DDC: variants seen among roughly 807,000 people sequenced by gnomAD.
The protein encoded by DDC is dopa decarboxylase.
DDC carries 43 observed loss-of-function variants against 60.0 expected under a neutral mutation model. The ratio of observed to expected loss-of-function variants is 0.72; its 90% CI spans 0.56 to 0.92. The LOEUF (loss-of-function observed/expected upper bound fraction) is 0.92. DDC is among the 40% of genes least tolerant of loss of function. DDC has a pLI of 0.00. For missense variants in DDC, 573 were observed against 620.2 expected (o/e 0.92, Z 0.81); for synonymous variants, 232 against 234.6 (o/e 0.99, Z 0.10).
intron 1 of DDC, among the ~76,000 whole-genome samples, chr7:50,555,406 C>T (rs1303368257): frequency 3.3e-5 from 5 of 152,116 alleles, no homozygotes; most frequent in Non-Finnish European, 7.4e-5. Flanking sequence ...GGACCTGGGA[C>T]CCAGAGAAGG....
At chr7:50,487,225 G>T (rs1426877879) in intron 9 of DDC, among the ~76,000 whole-genome samples, 2 of 152,046 alleles carry the variant, frequency 1.3e-5, no homozygotes, top group Non-Finnish European at 2.9e-5. Context: ...CTAGCTCAGA[G>T]GCTTTTCAGT....
At chr7:50,550,065 A>G (rs2044937302) in intron 1 of DDC, among the ~76,000 whole-genome samples, 1 of 152,252 alleles carries the variant, frequency 6.6e-6, no homozygotes, top group Admixed American at 6.5e-5. Flanking sequence ...TGGGGGTAAA[A>G]TGCTATCAAA....
At chr7:50,547,957 A>G (rs902314875) in intron 1 of DDC, among the ~76,000 whole-genome samples, 2 of 152,210 alleles carry the variant, frequency 1.3e-5, no homozygotes, top group African/African-American at 4.8e-5. Context: ...TGCTCACTCA[A>G]TGACTCTGTG....
chr7:50,545,587 C>T (rs1047433374), intron 1 of DDC, among the ~76,000 whole-genome samples: 5 of 152,226 alleles, frequency 3.3e-5, no homozygotes, highest in South Asian at 4.1e-4. Flanking sequence ...ATTCTCCTGC[C>T]TCAGTCTCCT....
intron 4 of DDC, among the ~76,000 whole-genome samples, chr7:50,532,122 A>T (rs1352504045): frequency 1.3e-5 from 2 of 152,206 alleles, no homozygotes; most frequent in South Asian, 2.1e-4. Context: ...TACAGCTCTG[A>T]GGGGATCAAT....
At chr7:50,505,018 GA>G (rs960104157) in intron 6 of DDC, among the ~76,000 whole-genome samples, 1 of 152,232 alleles carries the variant, frequency 6.6e-6, no homozygotes, top group African/African-American at 2.4e-5. Context: ...GGGATGTTCT[GA>G]GAAAGCATTG....
At chr7:50,557,591 C>T (rs187542014) in intron 1 of DDC, among the ~76,000 whole-genome samples, 3 of 152,260 alleles carry the variant, frequency 2.0e-5, no homozygotes, top group East Asian at 1.9e-4. Flanking sequence ...ACATAACGCT[C>T]CTATTTGCAC....
intron 9 of DDC, among the ~76,000 whole-genome samples, chr7:50,483,554 C>T (rs1358999463): frequency 6.6e-6 from 1 of 152,154 alleles, no homozygotes; most frequent in South Asian, 2.1e-4. Context: ...GTGAATTATA[C>T]TTAGGATTGG....
In DDC at chr7:50,463,309, C is replaced by T. The variant is rs747784661; in HGVS notation, c.1365G>A (p.Val455=). 5 of 1,614,238 alleles carry T rather than the reference C, an allele frequency of 3.1e-6. No homozygotes were observed. The Admixed American group carries it at 5.0e-5, about 16-fold the overall frequency. Residue 455 remains valine (V), a synonymous_variant, in exon 14 of 15, where the codon GTG becomes GTA. Coordinates refer to ENST00000444124, the MANE Select transcript of DDC (RefSeq NM_001082971.2). ...AGGCCCGCTGCACATGGGCAGATTC[C>T]ACCGTGCGAGAACAGATGGCAAAGC... is the stretch of plus-strand genomic sequence containing the variant. ...VLRFAICSRT[V]ESAHVQRAWE...
chr7:50,521,067 T>G (rs2043876980), intron 6 of DDC, among the ~76,000 whole-genome samples: 1 of 151,944 alleles, frequency 6.6e-6, no homozygotes, highest in South Asian at 2.1e-4. Context: ...TTCAAACATT[T>G]ATACAGGTTA....
At chr7:50,472,260 C>T (rs546788929) in intron 11 of DDC, among the ~76,000 whole-genome samples, 10 of 152,256 alleles carry the variant, frequency 6.6e-5, no homozygotes, top group Non-Finnish European at 8.8e-5. Context: ...TGGCATGGCG[C>T]GGCCAGCCCA....
At chr7:50,483,264 T>G (rs868801974) in intron 9 of DDC, among the ~76,000 whole-genome samples, 1 of 152,208 alleles carries the variant, frequency 6.6e-6, no homozygotes, top group African/African-American at 2.4e-5. Flanking sequence ...TATGATAACT[T>G]TTTTTCTCCT....
Position 50,487,410 on chromosome 7 carries a change from A to G in DDC, c.945-7547T>C, listed in dbSNP as rs1017986524. On this transcript the variant is annotated intron_variant, in intron 9 of 14. Coordinates refer to ENST00000444124, the MANE Select transcript of DDC (RefSeq NM_001082971.2). ...GGATGTGTTTTTGGTAAAGTTTATA[A>G]AACACGCGAGGATGTGTTTTTTGCT... Among the ~76,000 whole-genome samples the G allele has an allele frequency of 3.3e-5, 5 of 152,246 alleles. No individual in the cohort carries two copies. In the East Asian group the frequency reaches 7.7e-4, roughly 23 times the overall value.
chr7:50,496,070 C>T (rs1196608555), intron 8 of DDC, among the ~76,000 whole-genome samples: 1 of 151,846 alleles, frequency 6.6e-6, no homozygotes, highest in Non-Finnish European at 1.5e-5. Flanking sequence ...AACAATTCTC[C>T]TCATTTACCT....
chr7:50,564,293 T>C (rs4947396), intron 1 of DDC: 151,643 of 152,290 alleles, frequency 1, 75,505 homozygotes, highest in Middle Eastern at 1. Flanking sequence ...ACCCCAGCCA[T>C]GGGAGCAGCG....
intron 1 of DDC, among the ~76,000 whole-genome samples, chr7:50,545,843 C>T (rs1243990089): frequency 1.3e-5 from 2 of 152,192 alleles, no homozygotes; most frequent in Non-Finnish European, 2.9e-5. Flanking sequence ...AGCACTGTAA[C>T]TCCTGTCTGG....
intron 14 of DDC, among the ~76,000 whole-genome samples, chr7:50,460,376 C>T (rs185767624): frequency 1.1e-4 from 15 of 138,808 alleles, no homozygotes; most frequent in East Asian, 2.2e-4. Context: ...GTCAGCCCCC[C>T]GCCCGGCCAG....
chr7:50,462,768 G>GTTTTTTTTTTTTTTTT (rs11302809), intron 14 of DDC, among the ~76,000 whole-genome samples: 46 of 98,320 alleles, frequency 4.7e-4, no homozygotes, highest in African/African-American at 9.8e-4. Flanking sequence ...TCTTCTTCTT[G>GTTTTTTTTTTTTTTTT]TTTTTTTTTT....
chr7:50,562,856 A>T (rs1311884616), intron 1 of DDC, among the ~76,000 whole-genome samples: 1 of 152,202 alleles, frequency 6.6e-6, no homozygotes, highest in African/African-American at 2.4e-5. Context: ...TACATGAGTT[A>T]TTCAGTAGCT....
Sources: gnomAD v4.1 joint callset for allele counts (sites outside exome capture counted in the v4.1 genomes callset) on GRCh38, gnomAD v4.1.1 for gene constraint, MANE v1.5 for transcripts, NCBI Gene and HGNC (gene_info 2026-07-23, HGNC 2026-07-21) for gene names.